KLHL1: variants seen among roughly 807,000 people sequenced by gnomAD.
KLHL1 encodes kelch like family member 1, also known as kelch-like protein 1.
A neutral mutation model predicts 77.7 loss-of-function variants in KLHL1; 47 were observed. That is an observed-to-expected ratio of 0.60 (90% confidence interval 0.48 to 0.77). The LOEUF is 0.77. Among genes scored for constraint, KLHL1 ranks in the 30% least tolerant of loss-of-function variants. The pLI is 0.00. For synonymous variants in KLHL1, 360 were observed against 325.2 expected (o/e 1.11, Z -1.15); for missense variants, 925 against 910.8 (o/e 1.02, Z -0.20).
intron 1 of KLHL1, among the ~76,000 whole-genome samples, chr13:70,032,514 TTC>T (rs1301770540): frequency 2.0e-5 from 3 of 152,182 alleles, no homozygotes; most frequent in South Asian, 2.1e-4. Context: ...GTCTGTATGT[TTC>T]TCTGTCAAAC....
intron 6 of KLHL1, among the ~76,000 whole-genome samples, chr13:69,822,259 A>G (rs1010002360): frequency 6.6e-6 from 1 of 152,008 alleles, no homozygotes; most frequent in East Asian, 1.9e-4. Context: ...GAATATTGGC[A>G]GCAGATTTAG....
intron 7 of KLHL1, among the ~76,000 whole-genome samples, chr13:69,784,392 A>G (rs1876400330): frequency 6.6e-6 from 1 of 152,202 alleles, no homozygotes; most frequent in Admixed American, 6.5e-5. Context: ...AGACTAGCAA[A>G]TTGGATAAAG....
At chr13:70,061,879 T>C (rs1161419505) in intron 1 of KLHL1, among the ~76,000 whole-genome samples, 1 of 152,220 alleles carries the variant, frequency 6.6e-6, no homozygotes, top group Non-Finnish European at 1.5e-5. Flanking sequence ...GTATACAACA[T>C]GTAATGATCA....
chr13:69,813,118 T>C (rs1233163790), intron 6 of KLHL1, among the ~76,000 whole-genome samples: 1 of 151,954 alleles, frequency 6.6e-6, no homozygotes, highest in Non-Finnish European at 1.5e-5. Context: ...ATGTGGCACA[T>C]ATACACCATG....
At chr13:69,767,774 A>G (rs1258946418) in intron 7 of KLHL1, among the ~76,000 whole-genome samples, 3 of 152,136 alleles carry the variant, frequency 2.0e-5, no homozygotes, top group African/African-American at 7.2e-5. Flanking sequence ...AATTCAATTT[A>G]CTACCTCCAT....
At chr13:69,988,707 G>T (rs1884942201) in intron 1 of KLHL1, among the ~76,000 whole-genome samples, 1 of 152,078 alleles carries the variant, frequency 6.6e-6, no homozygotes, top group Admixed American at 6.6e-5. Flanking sequence ...TTTCTCTAAT[G>T]ATTAGTGATA....
chr13:69,709,583 A>G (rs1178576652), intron 9 of KLHL1, among the ~76,000 whole-genome samples: 1 of 152,076 alleles, frequency 6.6e-6, no homozygotes, highest in Non-Finnish European at 1.5e-5. Flanking sequence ...TGAGAACCCA[A>G]GCATTACCTT....
At chr13:70,088,535 T>C (rs9599545) in intron 1 of KLHL1, among the ~76,000 whole-genome samples, 38,566 of 151,900 alleles carry the variant, frequency 0.25, 5,556 homozygotes, top group South Asian at 0.41. Flanking sequence ...CTTGTGAAAC[T>C]AGCTGGGCAT....
At chr13:70,075,250 G>A (rs574594954) in intron 1 of KLHL1, among the ~76,000 whole-genome samples, 1 of 151,726 alleles carries the variant, frequency 6.6e-6, no homozygotes, top group South Asian at 2.1e-4. Flanking sequence ...CAAGTAAAGG[G>A]GAAGGCAAGG....
chr13:70,010,878 G>T (rs1885517635), intron 1 of KLHL1, among the ~76,000 whole-genome samples: 1 of 149,674 alleles, frequency 6.7e-6, no homozygotes, highest in Non-Finnish European at 1.5e-5. Context: ...GGCAACAAAA[G>T]TGAAACTCCG....
At position 69,882,312 on chromosome 13, in the gene KLHL1, A is replaced by C. The variant is rs1881029964; in HGVS notation, c.1198T>G (p.Phe400Val). The C allele has an allele frequency of 1.9e-6, 3 of 1,613,684 alleles. No individual in the cohort carries two copies. In the South Asian group the frequency reaches 3.3e-5, roughly 18 times the overall value. Residue 400 changes from phenylalanine (F) to valine (V), a missense_variant, in exon 5 of 11, where the codon TTT (phenylalanine) becomes GTT (valine). Physicochemically the swap from Phe to Val is conservative, Grantham distance 50. Coordinates refer to ENST00000377844, the MANE Select transcript of KLHL1 (RefSeq NM_020866.3). ...RCNDLSMLLA[F>V]IRLPLLPPQI... ...GGTGGAAGCAGTGGCAGTCTTATAA[A>C]GGCAAGAAGCATGCTCAGGTCATTG...
chr13:70,030,086 T>C (rs1356719824), intron 1 of KLHL1, among the ~76,000 whole-genome samples: 2 of 152,250 alleles, frequency 1.3e-5, no homozygotes, highest in Admixed American at 6.5e-5. Context: ...TCATACAGAT[T>C]CATAAAGCAA....
At chr13:70,016,199 A>G (rs888094801) in intron 1 of KLHL1, among the ~76,000 whole-genome samples, 1 of 152,228 alleles carries the variant, frequency 6.6e-6, no homozygotes, top group African/African-American at 2.4e-5. Flanking sequence ...TAGTTCTCCA[A>G]TTTAACCTAA....
intron 6 of KLHL1, among the ~76,000 whole-genome samples, chr13:69,808,144 C>G (rs1232672376): frequency 6.6e-6 from 1 of 152,122 alleles, no homozygotes; most frequent in East Asian, 1.9e-4. Context: ...CCCCCACACC[C>G]CACCTCACTA....
chr13:69,704,870 G>C (rs1299468947), intron 10 of KLHL1, among the ~76,000 whole-genome samples: 2 of 151,466 alleles, frequency 1.3e-5, no homozygotes, highest in Non-Finnish European at 1.5e-5. Flanking sequence ...ATTTCACCAG[G>C]CTTCTCTGTA....
At chr13:69,917,814 A>G (rs931315978) in intron 4 of KLHL1, among the ~76,000 whole-genome samples, 1 of 152,112 alleles carries the variant, frequency 6.6e-6, no homozygotes, top group Admixed American at 6.6e-5. Context: ...TAAATTCTCA[A>G]TTAAATTCAT....
At chr13:70,011,687 G>T (rs937082538) in intron 1 of KLHL1, among the ~76,000 whole-genome samples, 2 of 152,168 alleles carry the variant, frequency 1.3e-5, no homozygotes, top group African/African-American at 4.8e-5. Flanking sequence ...GACCAGGTAG[G>T]TGATGTTGCT....
At chr13:70,101,719 A>G (rs1190935612) in intron 1 of KLHL1, among the ~76,000 whole-genome samples, 1 of 152,054 alleles carries the variant, frequency 6.6e-6, no homozygotes, top group Non-Finnish European at 1.5e-5. Flanking sequence ...GTGAGCCACC[A>G]CACCTGGCCA....
chr13:69,837,564 T>C (rs979751614), intron 6 of KLHL1, among the ~76,000 whole-genome samples: 5 of 148,998 alleles, frequency 3.4e-5, no homozygotes, highest in Admixed American at 1.4e-4. Context: ...TGTATATAAA[T>C]ATGTATAGAT....
Sources: gnomAD v4.1 joint callset for allele counts (sites outside exome capture counted in the v4.1 genomes callset) on GRCh38, gnomAD v4.1.1 for gene constraint, MANE v1.5 for transcripts, NCBI Gene and HGNC (gene_info 2026-07-23, HGNC 2026-07-21) for gene names.